The following ADAM12 variants were observed in gnomAD, a reference collection of about 807,000 sequenced individuals.
The protein encoded by ADAM12 is disintegrin and metalloproteinase domain-containing protein 12.
In ADAM12, 70 loss-of-function variants were observed where a neutral mutation model predicts 106.4. The ratio of observed to expected loss-of-function variants is 0.66; its 90% CI spans 0.54 to 0.80. The LOEUF (loss-of-function observed/expected upper bound fraction) is 0.80, where lower values mean the gene tolerates loss of function less well. ADAM12 is among the 30% of genes least tolerant of loss of function. The pLI, the probability that ADAM12 is intolerant of heterozygous loss-of-function variation, is 0.00. For synonymous variants in ADAM12, 420 were observed against 433.5 expected (o/e 0.97, Z 0.39); for missense variants, 1,010 against 1,171.9 (o/e 0.86, Z 2.02).
intron 3 of ADAM12, among the ~76,000 whole-genome samples, chr10:126,247,889 C>T: frequency 6.6e-6 from 1 of 152,218 alleles, no homozygotes; most frequent in East Asian, 1.9e-4. Context: ...CTCCTGGGAT[C>T]CTGTGGCTCC....
At chr10:126,292,591 A>ACCCGCC (rs1960202300) in intron 2 of ADAM12, among the ~76,000 whole-genome samples, 1 of 152,058 alleles carries the variant, frequency 6.6e-6, no homozygotes, top group Admixed American at 6.6e-5. Context: ...CTCTTCCTCC[A>ACCCGCC]TCCCATTCAG....
intron 8 of ADAM12, among the ~76,000 whole-genome samples, chr10:126,105,252 A>G (rs1379731702): frequency 6.6e-6 from 1 of 152,242 alleles, no homozygotes. Context: ...AACTGAAGCA[A>G]GATATAACCT....
intron 1 of ADAM12, among the ~76,000 whole-genome samples, chr10:126,336,959 T>C (rs538789871): frequency 6.7e-4 from 102 of 152,312 alleles, no homozygotes; most frequent in Non-Finnish European, 1.2e-3. Context: ...AGCTGGGCTA[T>C]GGAACAACAT....
intron 21 of ADAM12, among the ~76,000 whole-genome samples, chr10:126,025,668 T>C (rs1418199517): frequency 3.3e-5 from 5 of 151,718 alleles, no homozygotes; most frequent in African/African-American, 1.2e-4. Context: ...CCCACAAAAA[T>C]CTCATCCAAA....
At chr10:126,233,659 T>C (rs1440005350) in intron 3 of ADAM12, among the ~76,000 whole-genome samples, 1 of 152,152 alleles carries the variant, frequency 6.6e-6, no homozygotes, top group Non-Finnish European at 1.5e-5. Context: ...GCCTCAACCA[T>C]CTCGTGGGAG....
At chr10:126,100,610 G>T (rs533761204) in intron 9 of ADAM12, among the ~76,000 whole-genome samples, 2 of 152,004 alleles carry the variant, frequency 1.3e-5, no homozygotes, top group African/African-American at 4.8e-5. Context: ...AGCTACTCGG[G>T]AGGTTGAGGC....
chr10:126,121,165 C>G (rs375488212), intron 5 of ADAM12, among the ~76,000 whole-genome samples: 7 of 23,056 alleles, frequency 3.0e-4, no homozygotes, highest in African/African-American at 9.4e-4. Flanking sequence ...ACTATATATA[C>G]TATATATACT....
intron 21 of ADAM12, among the ~76,000 whole-genome samples, chr10:126,033,085 A>C (rs943346312): frequency 2.6e-5 from 4 of 152,214 alleles, no homozygotes; most frequent in Admixed American, 2.0e-4. Context: ...GGATAGGAAA[A>C]GACAAGTCAC....
At chr10:126,325,953 A>G (rs1419612201) in intron 2 of ADAM12, among the ~76,000 whole-genome samples, 1 of 152,228 alleles carries the variant, frequency 6.6e-6, no homozygotes, top group African/African-American at 2.4e-5. Flanking sequence ...CAAGCTCTCC[A>G]ACACACACAA....
chr10:126,307,032 T>A lies in ADAM12; in HGVS notation c.186+23380A>T, dbSNP rs79393374. Among the ~76,000 whole-genome samples, 26 of 152,330 alleles carry A rather than the reference T, an allele frequency of 1.7e-4. No individual in the cohort carries two copies. In the East Asian group the frequency reaches 4.8e-3, roughly 28 times the overall value. On this transcript the variant is annotated intron_variant, in intron 2 of 22. Transcript: ENST00000448723. The stretch of plus-strand genomic sequence containing the variant: ...TTTTCACCGTTCCATGTGGCTTCTG[T>A]GCTCTGTTCTGTTCCTTCCATTCAT...
intron 1 of ADAM12, among the ~76,000 whole-genome samples, chr10:126,357,764 G>T (rs1855592280): frequency 6.6e-6 from 1 of 152,084 alleles, no homozygotes; most frequent in Non-Finnish European, 1.5e-5. Flanking sequence ...CACAAGAACA[G>T]CAGCATGGGA....
chr10:126,379,701 T>C (rs1349004457), intron 1 of ADAM12, among the ~76,000 whole-genome samples: 1 of 152,094 alleles, frequency 6.6e-6, no homozygotes, highest in Non-Finnish European at 1.5e-5. Flanking sequence ...TTAAAAAAAG[T>C]TGCTCATATA....
intron 3 of ADAM12, among the ~76,000 whole-genome samples, chr10:126,230,445 G>GT (rs1565153896): frequency 6.6e-6 from 1 of 152,190 alleles, no homozygotes; most frequent in African/African-American, 2.4e-5. Context: ...GTCGAATGCT[G>GT]TATGTTTAAT....
chr10:126,080,424 G>C (rs1955189340), intron 11 of ADAM12, among the ~76,000 whole-genome samples: 1 of 152,140 alleles, frequency 6.6e-6, no homozygotes, highest in African/African-American at 2.4e-5. Flanking sequence ...GTGAGAGACT[G>C]GTGCAAAGCA....
intron 11 of ADAM12, among the ~76,000 whole-genome samples, chr10:126,075,875 T>C (rs55918816): frequency 0.12 from 19,020 of 152,260 alleles, 1,549 homozygotes; most frequent in African/African-American, 0.22. Context: ...CACTGGGAGC[T>C]GTGCCTCTGT....
At chr10:126,168,319 G>GTT (rs5788771) in intron 3 of ADAM12, among the ~76,000 whole-genome samples, 14,862 of 152,156 alleles carry the variant, frequency 0.098, 2,084 homozygotes, top group African/African-American at 0.31. Context: ...AGCAACAGTG[G>GTT]AAGAACAAAT....
At chr10:126,078,946 A>G (rs903128179) in intron 11 of ADAM12, among the ~76,000 whole-genome samples, 1 of 152,142 alleles carries the variant, frequency 6.6e-6, no homozygotes, top group Non-Finnish European at 1.5e-5. Flanking sequence ...ATTAATCCTC[A>G]ATGTACCGAT....
chr10:126,155,700 C>T (rs1269668213), intron 3 of ADAM12, among the ~76,000 whole-genome samples: 1 of 152,246 alleles, frequency 6.6e-6, no homozygotes, highest in Non-Finnish European at 1.5e-5. Context: ...TTGGAAGTCA[C>T]AGTCTCCACC....
intron 3 of ADAM12, among the ~76,000 whole-genome samples, chr10:126,190,187 C>T (rs889662679): frequency 6.7e-6 from 1 of 150,362 alleles, no homozygotes; most frequent in Non-Finnish European, 1.5e-5. Flanking sequence ...TCTACATCTG[C>T]CCAATTCACT....
Sources: allele counts gnomAD v4.1 joint callset (sites outside exome capture counted in the v4.1 genomes callset), GRCh38; gene constraint gnomAD v4.1.1; transcripts MANE v1.5; gene names NCBI Gene and HGNC (gene_info 2026-07-23, HGNC 2026-07-21).